Variants in SLC28A1 observed in about 807,000 individuals in gnomAD.
The protein encoded by SLC28A1 is sodium/nucleoside cotransporter 1.
Under a neutral mutation model 74.8 loss-of-function variants are expected in SLC28A1, and 64 were observed. That is an observed-to-expected ratio of 0.86 (90% CI 0.70 to 1.05). The LOEUF is 1.05. Among genes scored for constraint, SLC28A1 ranks in the 50% least tolerant of loss-of-function variants. The pLI, the probability that SLC28A1 is intolerant of heterozygous loss-of-function variation, is 0.00. For synonymous variants in SLC28A1, 359 were observed against 335.0 expected, an observed-to-expected ratio of 1.07 and a Z score of -0.78; for missense variants, 828 against 822.8, an observed-to-expected ratio of 1.01 and a Z score of -0.08.
Position 84,944,582 on chromosome 15 carries a change from A to G in SLC28A1, c.1680A>G (p.Gln560=), listed in dbSNP as rs1206444079. Reference sequence around the variant, plus strand: ...CCCTTGCAGCCTCCATGGTCCCCCAACGGAAGAGCGACTTCTCCCAGATAG... The same window carrying G: ...CCCTTGCAGCCTCCATGGTCCCCCAGCGGAAGAGCGACTTCTCCCAGATAG... ...MLGGLTSMVP[Q]RKSDFSQIVL... The change falls in exon 17 of 19, where the codon CAA becomes CAG. Residue 560 remains glutamine, a synonymous_variant. Coordinates refer to ENST00000394573, the MANE Select transcript of SLC28A1 (RefSeq NM_004213.5). The G allele has an allele frequency of 1.9e-6, 3 of 1,613,608 alleles. No homozygotes were observed. The highest frequency in any genetic ancestry group is 2.7e-5 in the African/African-American group (2 of 74,938).
chr15:84,961,254 C>T, the SLC28A1 span, among the ~76,000 whole-genome samples: 2 of 152,094 alleles, frequency 1.3e-5, no homozygotes, highest in African/African-American at 4.8e-5. Flanking sequence ...CTCTTTTCAG[C>T]CTGGATTTCA....
chr15:84,904,139 G>A lies in SLC28A1; in HGVS notation c.504G>A (p.Leu168=), dbSNP rs774483391. 1.2e-6 allele frequency: 2 copies of A among 1,614,186 alleles called. No homozygotes were observed. Among genetic ancestry groups the A allele is most frequent in the Admixed American group, 1.7e-5 (1 of 60,024 alleles). Residue 168 remains leucine (L), a synonymous_variant, in exon 7 of 19, where the codon CTG becomes CTA. Coordinates refer to ENST00000394573, the MANE Select transcript of SLC28A1 (RefSeq NM_004213.5). ...LAAFLGLVLW[L]SLDTSQRPEQ... ...CTTTCCTGGGCCTGGTCCTGTGGCT[G>A]TCTCTGGACACCTCCCAGCGGCCTG...
intron 10 of SLC28A1, 72 bp downstream of exon 10, chr15:84,918,676 T>C (rs1969433318): frequency 8.4e-7 from 1 of 1,187,520 alleles, no homozygotes. Flanking sequence ...TGTCCCAGAA[T>C]GCCTTGCTCC....
rs1555446917 is a variant in SLC28A1 at position 84,905,942 on chromosome 15, A to AAC, written c.717+290_717+291insAC. On this transcript the variant is annotated intron_variant, in intron 8 of 18. Coordinates refer to ENST00000394573, the MANE Select transcript of SLC28A1 (RefSeq NM_004213.5). ...ATAGTTAAAAGTGCTAAAAAAAAAA[A>AAC]CCCAAATCTGCAAATGATTTACTTC... Among the ~76,000 whole-genome samples the AAC allele has an allele frequency of 5.3e-3, 787 of 149,882 alleles. 18 individuals carry two copies. Among genetic ancestry groups the AAC allele is most frequent in the Admixed American group, 0.037 (560 of 15,100 alleles).
chr15:84,953,053 A>G, the SLC28A1 span, among the ~76,000 whole-genome samples: 3 of 152,234 alleles, frequency 2.0e-5, no homozygotes, highest in Non-Finnish European at 4.4e-5. Flanking sequence ...CAATTAGAAG[A>G]CAAATAAGCT....
the SLC28A1 span, among the ~76,000 whole-genome samples, chr15:84,951,430 A>G: frequency 1.6e-5 from 1 of 62,866 alleles, no homozygotes; most frequent in African/African-American, 5.6e-5. Context: ...TGTCTTAAAA[A>G]AAAATAATTA....
At chr15:84,943,564 T>A (rs1421554235) in intron 16 of SLC28A1, 38 bp downstream of exon 16, 1 of 1,500,882 alleles carries the variant, frequency 6.7e-7, no homozygotes, top group East Asian at 2.3e-5. Context: ...TCTAGGAGAG[T>A]CTGGGACTTG....
the SLC28A1 span, among the ~76,000 whole-genome samples, chr15:84,955,782 C>T: frequency 6.6e-6 from 1 of 152,188 alleles, no homozygotes; most frequent in African/African-American, 2.4e-5. Flanking sequence ...TCCCACTGCA[C>T]TCCTATCAGG....
At chr15:84,918,163 G>A (rs551752879) in intron 9 of SLC28A1, among the ~76,000 whole-genome samples, 3 of 152,194 alleles carry the variant, frequency 2.0e-5, no homozygotes, top group South Asian at 4.2e-4. Context: ...CCTTCACAAC[G>A]ACCCTCAGAT....
At position 84,895,468 on chromosome 15, in the gene SLC28A1, C is replaced by G. The variant is rs756486593; in HGVS notation, c.461+345C>G. The G allele has an allele frequency of 1.9e-6, 3 of 1,611,800 alleles. No homozygotes were observed. The East Asian group carries it at 6.7e-5, about 36-fold the overall frequency. On this transcript the variant is annotated intron_variant, in intron 6 of 18. Transcript: ENST00000394573. ...GAGACAAAAAGCCGCAGGGACCATC[C>G]CTGGAGGGGGATTCAGCAGGCTCGA...
intron 6 of SLC28A1, chr15:84,895,495 CG>C (rs1567124045): frequency 1.3e-6 from 2 of 1,596,652 alleles, no homozygotes; most frequent in African/African-American, 1.3e-5. Context: ...CAGGCTCGAT[CG>C]GGGTCCAGGT....
chr15:84,908,761 G>C lies in SLC28A1; in HGVS notation c.761G>C (p.Gly254Ala), dbSNP rs1273773058. ...AAGGCTGGCTCCAGCTTCGTGTTTG[G>C]GGAGGCGCTGGTCAAGGATGTCTTT... ...YTKAGSSFVF[G>A]EALVKDVFAF... The change falls in exon 9 of 19, where the codon GGG becomes GCG. Residue 254 changes from glycine (G) to alanine (A), a missense_variant. This residue lies in a region of SLC28A1 where 767 missense variants were observed against 753.5 expected (regional missense o/e 1.02). Transcript: ENST00000394573. The C allele has an allele frequency of 6.2e-7, 1 of 1,613,870 alleles. No individual in the cohort carries two copies. Among genetic ancestry groups the C allele is most frequent in the Non-Finnish European group, 8.5e-7 (1 of 1,180,016 alleles).
chr15:84,884,669 G>A lies in SLC28A1; in HGVS notation c.-215G>A, dbSNP rs1964379077. 1 of 980,216 alleles carries A rather than the reference G, an allele frequency of 1.0e-6. No homozygotes were observed. The highest frequency in any genetic ancestry group is 1.2e-6 in the Non-Finnish European group (1 of 825,024). The allele number at this position is 980,216 out of a possible 1,614,324, so 60.7% of individuals were successfully genotyped here. A position where few individuals can be genotyped will look rare whatever the true frequency, so the allele number is the denominator to read the frequency against. ...TGTAGAGATTAGGGCCCACAACGAT[G>A]TGAAGGTTATAAGCTGCACTGCATG... On this transcript the variant is annotated 5_prime_UTR_variant, in exon 1 of 19. The change creates a new upstream start codon in the 5' untranslated region. Transcript: ENST00000394573.
the SLC28A1 span, among the ~76,000 whole-genome samples, chr15:84,955,788 T>C: frequency 6.6e-6 from 1 of 152,142 alleles, no homozygotes; most frequent in Non-Finnish European, 1.5e-5. Context: ...TGCACTCCTA[T>C]CAGGGTTGTG....
the SLC28A1 span, among the ~76,000 whole-genome samples, chr15:84,973,510 A>G: frequency 2.6e-5 from 4 of 152,184 alleles, no homozygotes; most frequent in African/African-American, 9.7e-5. Flanking sequence ...CATGAGTTGA[A>G]GAAAAATCAG....
chr15:84,953,417 A>T, the SLC28A1 span, among the ~76,000 whole-genome samples: 1 of 152,174 alleles, frequency 6.6e-6, no homozygotes, highest in Admixed American at 6.5e-5. Context: ...GTGTCACTGT[A>T]ATTAATTGAT....
chr15:84,922,595 T>C (rs1465509028), intron 11 of SLC28A1, among the ~76,000 whole-genome samples: 5 of 152,124 alleles, frequency 3.3e-5, no homozygotes, highest in Admixed American at 1.3e-4. Flanking sequence ...TCCCGTACTA[T>C]CCGTCCTTCA....
the SLC28A1 span, among the ~76,000 whole-genome samples, chr15:84,962,519 C>T: frequency 6.6e-6 from 1 of 152,124 alleles, no homozygotes; most frequent in Non-Finnish European, 1.5e-5. Context: ...CTCACTGCAA[C>T]CTCCATCTCC....
chr15:84,957,890 T>C, the SLC28A1 span, among the ~76,000 whole-genome samples: 2 of 152,228 alleles, frequency 1.3e-5, no homozygotes, highest in Non-Finnish European at 1.5e-5. Context: ...GCATTGAATA[T>C]GTAGATCAAT....
Sources: gnomAD v4.1 joint callset for allele counts (sites outside exome capture counted in the v4.1 genomes callset) on GRCh38, gnomAD v4.1.1 for gene constraint, gnomAD v4.1.1 regional missense constraint, MANE v1.5 for transcripts, NCBI Gene and HGNC (gene_info 2026-07-23, HGNC 2026-07-21) for gene names.